CDH23: variants seen among roughly 807,000 people sequenced by gnomAD.
CDH23 encodes cadherin-23.
Under a neutral mutation model 317.1 loss-of-function variants are expected in CDH23, and 189 were observed. That is an observed-to-expected ratio of 0.60 (90% CI 0.53 to 0.67). The LOEUF (loss-of-function observed/expected upper bound fraction) is 0.67. CDH23 is among the 30% of genes least tolerant of loss of function. The probability of loss-of-function intolerance (pLI) is 0.00; values close to 1 mark genes in which losing one functional copy is unlikely to be tolerated. For missense variants in CDH23, 4,401 were observed against 4,592.4 expected, an observed-to-expected ratio of 0.96 and a Z score of 1.20; for synonymous variants, 1,839 against 1,876.8, an observed-to-expected ratio of 0.98 and a Z score of 0.52.
chr10:71,739,236 G>T (rs1279420689), intron 35 of CDH23, among the ~76,000 whole-genome samples: 1 of 152,208 alleles, frequency 6.6e-6, no homozygotes, highest in Non-Finnish European at 1.5e-5. Context: ...CCATGTTTCT[G>T]AGCCTCCTCT....
At chr10:71,494,423 G>A (rs1035928636) in intron 3 of CDH23, among the ~76,000 whole-genome samples, 13 of 152,136 alleles carry the variant, frequency 8.5e-5, no homozygotes, top group African/African-American at 3.1e-4. Context: ...CATTGTATAT[G>A]GGGTCAGGCA....
intron 35 of CDH23, among the ~76,000 whole-genome samples, chr10:71,739,124 G>A (rs992589590): frequency 2.6e-5 from 4 of 152,212 alleles, no homozygotes; most frequent in African/African-American, 4.8e-5. Flanking sequence ...TGTTAGCATG[G>A]CTTGCATGGT....
At chr10:71,465,899 A>G (rs940312811) in intron 3 of CDH23, among the ~76,000 whole-genome samples, 2 of 151,524 alleles carry the variant, frequency 1.3e-5, no homozygotes, top group Non-Finnish European at 2.9e-5. Flanking sequence ...GAGAGGAAAA[A>G]TATCCTCCCT....
chr10:71,521,607 T>C (rs7916222), intron 6 of CDH23, among the ~76,000 whole-genome samples: 110,883 of 152,158 alleles, frequency 0.73, 41,377 homozygotes, highest in African/African-American at 0.88. Flanking sequence ...GAGCCAAACC[T>C]GACACTTCCT....
Position 71,793,473 on chromosome 10 carries a change from G to C in CDH23, c.6545G>C (p.Ser2182Thr). 6.2e-7 allele frequency: 1 copy of C among 1,614,016 alleles called. No individual in the cohort carries two copies. The highest frequency in any genetic ancestry group is 8.5e-7 in the Non-Finnish European group (1 of 1,179,894). ...PEFLNPIQTV[S>T]VLESAEPGTV... ...TTCCTCAACCCCATCCAGACAGTGA[G>C]CGTGCTGGAGTCGGCTGAGCCAGGC... The change falls in exon 48 of 70, where the codon AGC becomes ACC. Residue 2182 changes from serine to threonine, a missense_variant. Physicochemically the swap from Ser to Thr is moderately conservative, Grantham distance 58 (BLOSUM62 1). Transcript: ENST00000224721.
chr10:71,706,118 A>G (rs1166700262), intron 25 of CDH23, among the ~76,000 whole-genome samples: 1 of 152,140 alleles, frequency 6.6e-6, no homozygotes, highest in East Asian at 1.9e-4. Context: ...CAGAAGCCAT[A>G]ACATCAAATG....
intron 3 of CDH23, among the ~76,000 whole-genome samples, chr10:71,504,649 G>A (rs1229634086): frequency 6.6e-6 from 1 of 152,204 alleles, no homozygotes; most frequent in Non-Finnish European, 1.5e-5. Context: ...GGGTAGGAGA[G>A]GCCAAGTGCA....
Position 71,738,652 on chromosome 10 carries a change from G to A in CDH23, c.4359+5G>A, listed in dbSNP as rs1839638512. 6.2e-7 allele frequency: 1 copy of A among 1,611,900 alleles called. No homozygotes were observed. The highest frequency in any genetic ancestry group is 2.2e-5 in the East Asian group (1 of 44,858). On this transcript the variant is annotated splice_donor_5th_base_variant and intron_variant, in intron 35 of 69. Transcript: ENST00000224721. ...GATGCTGGCAGCAATGGGCAGGTGG[G>A]CCACCGAGTGAAACAGCCAGGATCC...
At chr10:71,580,205 C>A (rs1858526678) in intron 9 of CDH23, among the ~76,000 whole-genome samples, 1 of 152,226 alleles carries the variant, frequency 6.6e-6, no homozygotes, top group Admixed American at 6.5e-5. Flanking sequence ...GGGAAGGAGG[C>A]TGGAGATCCA....
rs1564791773 is a variant in CDH23, at chr10:71,784,286, G to A, written c.5369-1G>A. 1 of 1,612,970 alleles carries A rather than the reference G, an allele frequency of 6.2e-7. No individual in the cohort carries two copies. The highest frequency in any genetic ancestry group is 8.5e-7 in the Non-Finnish European group (1 of 1,179,224). ...CTTGGGCCTCTCCTGGTGACACCCA[G>A]GGGAGTTTGTGATCTCTCCTGTGGA... On this transcript the variant is annotated splice_acceptor_variant, in intron 41 of 69. Transcript: ENST00000224721. LOFTEE classifies it high-confidence loss of function.
chr10:71,630,790 TCGATG>T (rs910638798), intron 11 of CDH23, among the ~76,000 whole-genome samples: 4 of 152,164 alleles, frequency 2.6e-5, no homozygotes, highest in African/African-American at 9.7e-5. Context: ...TCAATGCTCC[TCGATG>T]GCCGATCTCA....
At chr10:71,799,305 G>A (rs781751962) in intron 51 of CDH23, 25 bp downstream of exon 51, 1 of 1,613,942 alleles carries the variant, frequency 6.2e-7, no homozygotes, top group South Asian at 1.1e-5. Flanking sequence ...CACAGGCTGG[G>A]TCCAGGACCT....
At chr10:71,749,820 C>T (rs1167216530) in intron 38 of CDH23, 1 of 152,370 alleles carries the variant, frequency 6.6e-6, no homozygotes, top group Non-Finnish European at 1.5e-5. Context: ...CCCCCAACCC[C>T]CCAAGCAATT....
chr10:71,549,569 C>T (rs915982006), intron 6 of CDH23, among the ~76,000 whole-genome samples: 2 of 152,148 alleles, frequency 1.3e-5, no homozygotes, highest in Non-Finnish European at 1.5e-5. Flanking sequence ...TCCAGGCCTT[C>T]GATGGAAGCT....
rs1242311984 is a variant in CDH23, at chr10:71,804,073, T to C, written c.7872+653T>C. Among the ~76,000 whole-genome samples, 5 of 152,050 alleles carry C rather than the reference T, an allele frequency of 3.3e-5. 1 individual carries two copies. Among genetic ancestry groups the C allele is most frequent in the African/African-American group, 1.2e-4 (5 of 41,402 alleles). ...TGAGCAAGTGACTTCTGTAAGTCTG[T>C]TTTCTGTACGTCTATTTTTTCCTCT... On this transcript the variant is annotated intron_variant, in intron 55 of 69. Coordinates refer to ENST00000224721, the MANE Select transcript of CDH23 (RefSeq NM_022124.6).
At chr10:71,461,706 C>T (rs778834699) in intron 3 of CDH23, among the ~76,000 whole-genome samples, 3 of 152,238 alleles carry the variant, frequency 2.0e-5, no homozygotes, top group Non-Finnish European at 4.4e-5. Flanking sequence ...CGTGTTCCCA[C>T]ACATTAGGTC....
intron 12 of CDH23, among the ~76,000 whole-genome samples, chr10:71,645,006 C>T (rs925261219): frequency 1.3e-5 from 2 of 152,238 alleles, no homozygotes; most frequent in Admixed American, 1.3e-4. Context: ...CCACCTTCAG[C>T]CATGTCTCCT....
chr10:71,775,828 T>C (rs1840804929), intron 38 of CDH23, among the ~76,000 whole-genome samples: 1 of 152,164 alleles, frequency 6.6e-6, no homozygotes, highest in South Asian at 2.1e-4. Flanking sequence ...TAAAGATGAC[T>C]GTCAAGGAAA....
rs1242140519 is a variant in CDH23 at position 71,811,388 on chromosome 10, C to G, written c.9151C>G (p.Gln3051Glu). The change falls in exon 63 of 70, where the codon CAG becomes GAG. Residue 3051 changes from glutamine to glutamate, a missense_variant. Gln to Glu is a conservative substitution (Grantham distance 29, BLOSUM62 2). Around this residue, in one of 3 missense-constraint regions of CDH23, gnomAD observed 1,144 missense variants for 1,138.2 expected, o/e 1.01. Transcript: ENST00000224721. ...CCGGAACTACAACGTCCTGGACGTGCAGCCTGCCATCTCTGTCCGGCTGCC... is the reference window on the plus strand; with the variant it reads ...CCGGAACTACAACGTCCTGGACGTGGAGCCTGCCATCTCTGTCCGGCTGCC... ...LFRNYNVLDV[Q>E]PAISVRLPDD... is the part of the protein sequence containing the mutation. 2.3e-5 allele frequency: 37 copies of G among 1,613,792 alleles called. No individual in the cohort carries two copies. Among genetic ancestry groups the G allele is most frequent in the Non-Finnish European group, 3.1e-5 (37 of 1,179,748 alleles).
Sources: gnomAD v4.1 joint callset for allele counts (sites outside exome capture counted in the v4.1 genomes callset) on GRCh38, gnomAD v4.1.1 for gene constraint, gnomAD v4.1.1 regional missense constraint, MANE v1.5 for transcripts, NCBI Gene and HGNC (gene_info 2026-07-23, HGNC 2026-07-21) for gene names.